The following PRSS55 variants were observed in gnomAD, a reference collection of about 807,000 sequenced individuals.
PRSS55 encodes probable serine protease UNQ9391/PRO34284.
Under a neutral mutation model 23.6 loss-of-function variants are expected in PRSS55, and 41 were observed. The observed-to-expected ratio is 1.74, with a 90% CI of 1.35 to 2.26. PRSS55 has a LOEUF of 2.26. Among genes scored for constraint, PRSS55 ranks in the 30% most tolerant of loss-of-function variants. The pLI is 0.00. For missense variants in PRSS55, 669 were observed against 439.1 expected (o/e 1.52, Z -4.68); for synonymous variants, 262 against 175.5 (o/e 1.49, Z -3.90).
intron 4 of PRSS55, among the ~76,000 whole-genome samples, chr8:10,553,654 G>T (rs190375295): frequency 1.6e-4 from 25 of 152,314 alleles, no homozygotes; most frequent in Admixed American, 1.2e-3. Flanking sequence ...GGGGGAAATG[G>T]TCAAAGGGCA....
intron 3 of PRSS55, among the ~76,000 whole-genome samples, chr8:10,532,228 A>G (rs1278076944): frequency 1.3e-5 from 2 of 152,182 alleles, no homozygotes; most frequent in Admixed American, 6.5e-5. Context: ...CAGAGGGGGA[A>G]GCGGTGGGAC....
chr8:10,532,250 G>C (rs914865209), intron 3 of PRSS55, among the ~76,000 whole-genome samples: 1 of 152,084 alleles, frequency 6.6e-6, no homozygotes, highest in Non-Finnish European at 1.5e-5. Flanking sequence ...TTAGTTCTGG[G>C]CTCCAGGCAC....
At chr8:10,528,319 C>T (rs1812111466) in intron 1 of PRSS55, among the ~76,000 whole-genome samples, 1 of 152,132 alleles carries the variant, frequency 6.6e-6, no homozygotes, top group African/African-American at 2.4e-5. Flanking sequence ...AAATGACCAC[C>T]ACAGGGTCAC....
At chr8:10,538,300 C>G (rs1337226646) in intron 4 of PRSS55, among the ~76,000 whole-genome samples, 176 bp from the exon 5 acceptor site, 2 of 152,210 alleles carry the variant, frequency 1.3e-5, no homozygotes, top group African/African-American at 2.4e-5. Flanking sequence ...GCTCTACACC[C>G]CTACAACCTC....
chr8:10,554,019 A>C, exon 5 of PRSS55: 1 of 1,529,642 alleles, frequency 6.5e-7, no homozygotes, highest in South Asian at 1.2e-5. Flanking sequence ...CACACCTTTC[A>C]TCTGCAAAAC....
intron 4 of PRSS55, among the ~76,000 whole-genome samples, chr8:10,550,159 G>A (rs1302376358): frequency 6.6e-6 from 1 of 152,172 alleles, no homozygotes; most frequent in Non-Finnish European, 1.5e-5. Flanking sequence ...CTGATTTCAG[G>A]TGATCCACCC....
rs1034017932 is a variant in PRSS55, at chr8:10,529,366, G to C, written c.155-141G>C. ...GATGTCACAAGGGCTGCCCCGCTCG[G>C]CAGCCTCAGTGAGCTCCTCTCTAGA... On this transcript the variant is annotated intron_variant, in intron 1 of 4. Coordinates refer to ENST00000328655, the MANE Select transcript of PRSS55 (RefSeq NM_198464.4). 1.7e-5 allele frequency: 14 copies of C among 832,724 alleles called. No individual in the cohort carries two copies. The African/African-American group carries it at 1.8e-4, about 11-fold the overall frequency. The allele number at this position is 832,724 out of a possible 1,614,324, so 51.6% of individuals were successfully genotyped here. A position where few individuals can be genotyped will look rare whatever the true frequency, so the allele number is the denominator to read the frequency against.
At chr8:10,533,555 T>C (rs1812347537) in intron 4 of PRSS55, among the ~76,000 whole-genome samples, 1 of 152,170 alleles carries the variant, frequency 6.6e-6, no homozygotes, top group African/African-American at 2.4e-5. Context: ...ACTGGTCTCT[T>C]TGCCTCTCTT....
At chr8:10,536,046 C>T (rs921558224) in intron 4 of PRSS55, among the ~76,000 whole-genome samples, 10 of 152,076 alleles carry the variant, frequency 6.6e-5, no homozygotes, top group African/African-American at 1.4e-4. Flanking sequence ...ATTAGCCGGG[C>T]GTGGTGGTGG....
chr8:10,529,497 T>A lies in PRSS55; in HGVS notation c.155-10T>A. 6.2e-7 allele frequency: 1 copy of A among 1,613,786 alleles called. No individual in the cohort carries two copies. The highest frequency in any genetic ancestry group is 1.1e-5 in the South Asian group (1 of 91,080). On this transcript the variant is annotated splice_polypyrimidine_tract_variant and intron_variant, in intron 1 of 4. Transcript: ENST00000328655. ...CCCCTTTTCCTTTCCACTCTCTTTC[T>A]TTCCACCAGAATGTGGTGACAGATC...
At chr8:10,532,803 A>C in intron 3 of PRSS55, 103 bp from the exon 4 acceptor site, 1 of 1,429,372 alleles carries the variant, frequency 7.0e-7, no homozygotes, top group Non-Finnish European at 9.6e-7. Context: ...AAGGAAGGGG[A>C]TGGGGGCTGG....
At chr8:10,544,656 A>G (rs1446788456) in intron 4 of PRSS55, among the ~76,000 whole-genome samples, 1 of 152,128 alleles carries the variant, frequency 6.6e-6, no homozygotes, top group Non-Finnish European at 1.5e-5. Context: ...TTTTTTAATG[A>G]TGCTAATTAT....
At chr8:10,546,761 G>A (rs183139940) in intron 4 of PRSS55, among the ~76,000 whole-genome samples, 25 of 152,258 alleles carry the variant, frequency 1.6e-4, no homozygotes, top group Non-Finnish European at 1.5e-5. Context: ...AAGGCCCACT[G>A]AAGCCTCACC....
At chr8:10,552,916 G>C (rs954121190) in intron 4 of PRSS55, among the ~76,000 whole-genome samples, 1 of 152,140 alleles carries the variant, frequency 6.6e-6, no homozygotes, top group Non-Finnish European at 1.5e-5. Flanking sequence ...CCCACTTCGG[G>C]GTATCTATTC....
chr8:10,537,981 G>T (rs978456743), intron 4 of PRSS55, among the ~76,000 whole-genome samples: 5 of 152,110 alleles, frequency 3.3e-5, no homozygotes, highest in Admixed American at 2.0e-4. Context: ...TCCTGGAAGG[G>T]TCACACATTC....
At chr8:10,545,718 T>C (rs1812799914) in intron 4 of PRSS55, among the ~76,000 whole-genome samples, 1 of 152,208 alleles carries the variant, frequency 6.6e-6, no homozygotes, top group African/African-American at 2.4e-5. Context: ...ATCGTTTGAA[T>C]TGAGACTGTA....
At position 10,532,990 on chromosome 8, in the gene PRSS55, A is replaced by C. The variant is rs1159194010; in HGVS notation, c.683A>C (p.Lys228Thr). The change falls in exon 4 of 5, where the codon AAA becomes ACA. Residue 228 changes from lysine to threonine, a missense_variant. Physicochemically the swap from Lys to Thr is moderately conservative, Grantham distance 78. Transcript: ENST00000328655. ...GAGGAGTGTTCAAAGATGTTTCCAAAACTTACCAAAAATATGCTGTGTGCC... is the reference window on the plus strand; with the variant it reads ...GAGGAGTGTTCAAAGATGTTTCCAACACTTACCAAAAATATGCTGTGTGCC... Reference protein sequence around the residue: ...DWEECSKMFPKLTKNMLCAGY... With the variant: ...DWEECSKMFPTLTKNMLCAGY... 2.5e-6 allele frequency: 4 copies of C among 1,614,176 alleles called. No individual in the cohort carries two copies. The highest frequency in any genetic ancestry group is 3.4e-6 in the Non-Finnish European group (4 of 1,180,028).
At chr8:10,543,837 T>C (rs1275519702) in intron 4 of PRSS55, among the ~76,000 whole-genome samples, 1 of 152,100 alleles carries the variant, frequency 6.6e-6, no homozygotes, top group Non-Finnish European at 1.5e-5. Flanking sequence ...TATTTGCAAT[T>C]ATTCTTCTGT....
Position 10,532,988 on chromosome 8 carries a change from A to C in PRSS55, c.681A>C (p.Pro227=). Residue 227 remains proline, a synonymous_variant, in exon 4 of 5, where the codon CCA becomes CCC. Transcript: ENST00000328655. The stretch of plus-strand genomic sequence containing the variant: ...GGGAGGAGTGTTCAAAGATGTTTCC[A>C]AAACTTACCAAAAATATGCTGTGTG... The part of the protein sequence containing the change: ...MDWEECSKMF[P]KLTKNMLCAG... 3 of 1,614,242 alleles carry C rather than the reference A, an allele frequency of 1.9e-6. No individual in the cohort carries two copies. Among genetic ancestry groups the C allele is most frequent in the Non-Finnish European group, 2.5e-6 (3 of 1,180,042 alleles).
Sources: allele counts gnomAD v4.1 joint callset (sites outside exome capture counted in the v4.1 genomes callset), GRCh38; gene constraint gnomAD v4.1.1; transcripts MANE v1.5; gene names NCBI Gene and HGNC (gene_info 2026-07-23, HGNC 2026-07-21).